SDK1: variants seen among roughly 807,000 people sequenced by gnomAD.
SDK1 encodes protein sidekick-1.
SDK1 carries 157 observed loss-of-function variants against 245.5 expected under a neutral mutation model. The ratio of observed to expected loss-of-function variants is 0.64; its 90% confidence interval spans 0.56 to 0.73. SDK1 has a LOEUF of 0.73. Among genes scored for constraint, SDK1 ranks in the 30% least tolerant of loss-of-function variants. The pLI is 0.00. For synonymous variants in SDK1, 1,647 were observed against 1,278.5 expected (o/e 1.29, Z -6.15); for missense variants, 3,583 against 3,002.3 (o/e 1.19, Z -4.52).
At position 4,089,022 on chromosome 7, in the gene SDK1, A is replaced by C. The variant is rs371225067; in HGVS notation, c.3324+9438A>C. On this transcript the variant is annotated intron_variant, in intron 22 of 44. Transcript: ENST00000404826. ...AGGTGAGACCCTTGTGGGCATCTGC[A>C]CAATGAGGCCCCTCAGATGGAGGTG... is the stretch of plus-strand genomic sequence containing the variant. Among the ~76,000 whole-genome samples, 34 of 150,762 alleles carry C rather than the reference A, an allele frequency of 2.3e-4. No individual in the cohort carries two copies. The South Asian group carries it at 4.2e-3, about 19-fold the overall frequency.
At position 4,109,684 on chromosome 7, in the gene SDK1, G is replaced by A. The variant is rs145752425; in HGVS notation, c.3325-979G>A. Among the ~76,000 whole-genome samples the A allele has an allele frequency of 5.8e-3, 890 of 152,334 alleles. 6 individuals are homozygous for A. The highest frequency in any genetic ancestry group is 0.02 in the African/African-American group (835 of 41,580). On this transcript the variant is annotated intron_variant, in intron 22 of 44. Transcript: ENST00000404826. The stretch of plus-strand genomic sequence containing the variant: ...GGGCTCTCCTGGTGGGCACAAGGCC[G>A]TGGCTGTCTCTCCCGTGGCTCCCTA...
intron 26 of SDK1, chr7:4,129,548 C>A: frequency 1.6e-6 from 1 of 610,790 alleles, no homozygotes; most frequent in Non-Finnish European, 2.2e-6. Flanking sequence ...CAGGGGGCTG[C>A]TGGCTCCTGT....
At chr7:3,823,227 T>C (rs565047960) in intron 5 of SDK1, among the ~76,000 whole-genome samples, 47 of 152,272 alleles carry the variant, frequency 3.1e-4, no homozygotes, top group Non-Finnish European at 5.3e-4. Context: ...AGAATGGAAA[T>C]TGTATTATCA....
At chr7:3,354,093 C>CA (rs1299307683) in intron 1 of SDK1, among the ~76,000 whole-genome samples, 2 of 151,498 alleles carry the variant, frequency 1.3e-5, no homozygotes, top group African/African-American at 4.9e-5. Flanking sequence ...CCTGGGTTCA[C>CA]ACCATTCTTT....
chr7:3,545,516 G>T (rs181462414), intron 1 of SDK1, among the ~76,000 whole-genome samples: 2 of 152,146 alleles, frequency 1.3e-5, no homozygotes, highest in African/African-American at 2.4e-5. Context: ...ATTTATCTGC[G>T]TGTATTTTCT....
chr7:3,301,530 C>T lies in SDK1; in HGVS notation c.-57C>T, dbSNP rs1039642508. The T allele has an allele frequency of 4.4e-5, 28 of 639,916 alleles. No homozygotes were observed. In the South Asian group the frequency reaches 1.7e-3, roughly 39 times the overall value. 39.6% of individuals were successfully genotyped at this position (639,916 alleles called of 1,614,324 possible). A position where few individuals can be genotyped will look rare whatever the true frequency, so the allele number is the denominator to read the frequency against. On this transcript the variant is annotated 5_prime_UTR_variant, in exon 1 of 45. Transcript: ENST00000404826. The stretch of plus-strand genomic sequence containing the variant: ...TGGCCGCGCCCGCTCGGAGCCGTCC[C>T]GCCTGTCCTGCCCGCCCGTCCGTCC...
At chr7:3,644,514 C>G (rs148980896) in intron 4 of SDK1, among the ~76,000 whole-genome samples, 19 of 151,244 alleles carry the variant, frequency 1.3e-4, no homozygotes, top group African/African-American at 4.6e-4. Flanking sequence ...CCTGTAATCT[C>G]GGCACTTTAG....
At chr7:3,741,428 G>A (rs1779471021) in intron 4 of SDK1, among the ~76,000 whole-genome samples, 1 of 152,168 alleles carries the variant, frequency 6.6e-6, no homozygotes, top group Admixed American at 6.5e-5. Flanking sequence ...CACTGGCCAT[G>A]CCATATCTGT....
intron 22 of SDK1, among the ~76,000 whole-genome samples, chr7:4,105,184 T>C (rs1782820743): frequency 6.6e-6 from 1 of 151,866 alleles, no homozygotes; most frequent in African/African-American, 2.4e-5. Flanking sequence ...GGTTTCACCA[T>C]GTTAGCCAGG....
At chr7:3,909,835 C>T (rs1409376500) in intron 5 of SDK1, among the ~76,000 whole-genome samples, 1 of 152,022 alleles carries the variant, frequency 6.6e-6, no homozygotes, top group African/African-American at 2.4e-5. Context: ...TATAAATCAG[C>T]CTTTTTTTGA....
At chr7:3,911,275 C>T (rs939108547) in intron 5 of SDK1, among the ~76,000 whole-genome samples, 1 of 152,162 alleles carries the variant, frequency 6.6e-6, no homozygotes, top group African/African-American at 2.4e-5. Context: ...CCTGTACCCC[C>T]ACTTTAGGAA....
At chr7:3,465,954 A>G (rs73296765) in intron 1 of SDK1, among the ~76,000 whole-genome samples, 3,606 of 152,228 alleles carry the variant, frequency 0.024, 164 homozygotes, top group African/African-American at 0.083. Flanking sequence ...GTAATTTTCC[A>G]TCACTCTTTT....
intron 5 of SDK1, among the ~76,000 whole-genome samples, chr7:3,864,888 A>G (rs1162624702): frequency 6.6e-6 from 1 of 152,172 alleles, no homozygotes; most frequent in Non-Finnish European, 1.5e-5. Context: ...CTCTCCACAA[A>G]GAAGAAAACA....
chr7:3,905,924 T>G (rs1476701633), intron 5 of SDK1, among the ~76,000 whole-genome samples: 3 of 152,216 alleles, frequency 2.0e-5, no homozygotes, highest in Non-Finnish European at 4.4e-5. Context: ...GTACCTGGCC[T>G]CAGTTTCAAA....
intron 1 of SDK1, among the ~76,000 whole-genome samples, chr7:3,412,219 G>A (rs1779229950): frequency 6.6e-6 from 1 of 152,108 alleles, no homozygotes. Context: ...ACAGTGAAAA[G>A]CCCCTTTTCC....
chr7:3,974,279 G>C, intron 12 of SDK1, 90 bp from the exon 13 acceptor site: 1 of 1,061,370 alleles, frequency 9.4e-7, no homozygotes, highest in South Asian at 1.6e-5. Context: ...TCACAAGATT[G>C]TTAGTTGCTT....
intron 1 of SDK1, among the ~76,000 whole-genome samples, chr7:3,584,157 T>C (rs1780606982): frequency 6.6e-6 from 1 of 152,214 alleles, no homozygotes; most frequent in Non-Finnish European, 1.5e-5. Context: ...TGTGCTTATA[T>C]GAATTTGGGA....
intron 5 of SDK1, among the ~76,000 whole-genome samples, chr7:3,903,422 A>G (rs988392114): frequency 2.6e-5 from 4 of 152,122 alleles, no homozygotes; most frequent in African/African-American, 9.7e-5. Flanking sequence ...CTTGGATTAC[A>G]GGCACGAGCC....
intron 1 of SDK1, among the ~76,000 whole-genome samples, chr7:3,365,502 T>C (rs1475523006): frequency 1.3e-5 from 2 of 152,210 alleles, no homozygotes; most frequent in African/African-American, 2.4e-5. Context: ...CCTTAACTTA[T>C]TTCATTATAT....
Sources: allele counts gnomAD v4.1 joint callset (sites outside exome capture counted in the v4.1 genomes callset), GRCh38; gene constraint gnomAD v4.1.1; transcripts MANE v1.5; gene names NCBI Gene and HGNC (gene_info 2026-07-23, HGNC 2026-07-21).